Variants in ASPSCR1 observed in about 807,000 individuals in gnomAD.
The protein encoded by ASPSCR1 is ASPSCR1 tether for SLC2A4, UBX domain containing, also known as tether containing UBX domain for GLUT4.
A neutral mutation model predicts 68.9 loss-of-function variants in ASPSCR1; 55 were observed. That is an observed-to-expected ratio of 0.80 (90% CI 0.64 to 1.00). ASPSCR1 has a LOEUF of 1.00. ASPSCR1 is among the 50% of genes least tolerant of loss of function. The pLI, the probability that ASPSCR1 is intolerant of heterozygous loss-of-function variation, is 0.00. For missense variants in ASPSCR1, 765 were observed against 762.2 expected, an observed-to-expected ratio of 1.00 and a Z score of -0.04; for synonymous variants, 352 against 332.6, an observed-to-expected ratio of 1.06 and a Z score of -0.63.
At chr17:82,015,139 C>T (rs2144104710) in intron 12 of ASPSCR1, 2 of 1,598,280 alleles carry the variant, frequency 1.3e-6, no homozygotes, top group African/African-American at 2.7e-5. Flanking sequence ...TGCCTGGGAC[C>T]AGAGCAGAGA....
intron 7 of ASPSCR1, among the ~76,000 whole-genome samples, chr17:81,997,649 C>T (rs1274281213): frequency 2.7e-5 from 4 of 150,190 alleles, no homozygotes; most frequent in Non-Finnish European, 4.5e-5. Context: ...CCACCAAGCC[C>T]AGCTAATTTT....
intron 5 of ASPSCR1, chr17:81,995,246 G>A (rs1041391798): frequency 6.6e-5 from 27 of 408,158 alleles, no homozygotes; most frequent in Non-Finnish European, 1.1e-4. Flanking sequence ...CCTCACAGGG[G>A]CCTTTTGTTT....
rs1477745498 is a variant in ASPSCR1, at chr17:82,012,234, TCAC to T, written c.1306_1308del (p.Thr436del). 6.2e-7 allele frequency: 1 copy of T among 1,613,430 alleles called. No individual in the cohort carries two copies. Among genetic ancestry groups the T allele is most frequent in the Non-Finnish European group, 8.5e-7 (1 of 1,179,874 alleles). On this transcript the variant is annotated inframe_deletion, in exon 12 of 16. Transcript: ENST00000306739. ...CGTAGGTGCCTTCTCTCCTCAGTCA[TCAC>T]CCCTCCAAAAACAGTCCTGGACGAC... is the stretch of plus-strand genomic sequence containing the variant.
At chr17:82,016,400 T>G in intron 12 of ASPSCR1, 76 bp from the exon 13 acceptor site, 1 of 1,361,702 alleles carries the variant, frequency 7.3e-7, no homozygotes, top group Non-Finnish European at 1.0e-6. Context: ...GGCCTGGCCC[T>G]GGGGGTGTAG....
rs2042297981 is a variant in ASPSCR1 at position 81,995,230 on chromosome 17, C to A, written c.432+352C>A. ...GTGGCGGGACCCTCCTAGCGCTCGT[C>A]CCTGGCCTCACAGGGGCCTTTTGTT... On this transcript the variant is annotated intron_variant, in intron 5 of 15. Transcript: ENST00000306739. The A allele has an allele frequency of 7.0e-6, 3 of 430,130 alleles. No individual in the cohort carries two copies. The Admixed American group carries it at 1.2e-4, about 17-fold the overall frequency. 26.6% of individuals were successfully genotyped at this position (430,130 alleles called of 1,614,324 possible).
chr17:81,996,844 C>A lies in ASPSCR1; in HGVS notation c.931C>A (p.Arg311=). Residue 311 remains arginine (R), a splice_region_variant and synonymous_variant, in exon 7 of 16, where the codon CGG becomes AGG. Coordinates refer to ENST00000306739, the MANE Select transcript of ASPSCR1 (RefSeq NM_024083.4). ...TCCCCAGCAGGAGCAGGAGCGGGAGCGGGTAAAAGGGGCTCTAGGCCTTGG... is the reference window on the plus strand; with the variant it reads ...TCCCCAGCAGGAGCAGGAGCGGGAGAGGGTAAAAGGGGCTCTAGGCCTTGG... ...RDPQQEQERE[R]PVDREPVDRE... 1 of 1,593,444 alleles carries A rather than the reference C, an allele frequency of 6.3e-7. No individual in the cohort carries two copies. Among genetic ancestry groups the A allele is most frequent in the Non-Finnish European group, 8.5e-7 (1 of 1,171,746 alleles).
intron 7 of ASPSCR1, among the ~76,000 whole-genome samples, chr17:82,003,583 G>A (rs1365363092): frequency 2.6e-5 from 4 of 152,260 alleles, no homozygotes; most frequent in Non-Finnish European, 5.9e-5. Flanking sequence ...TCTCCTCTGG[G>A]TGGGATTCGA....
chr17:81,990,946 C>G lies in ASPSCR1; in HGVS notation c.375-3875C>G, dbSNP rs1272070854. Among the ~76,000 whole-genome samples the G allele has an allele frequency of 2.0e-5, 3 of 152,114 alleles. No individual in the cohort carries two copies. Among genetic ancestry groups the G allele is most frequent in the Non-Finnish European group, 4.4e-5 (3 of 68,028 alleles). ...GCGGGCGAGTCCCGTAGTTTGAATCCCACGTCCCGTAAGGACCTAGTTGCC... is the reference window on the plus strand; with the variant it reads ...GCGGGCGAGTCCCGTAGTTTGAATCGCACGTCCCGTAAGGACCTAGTTGCC... On this transcript the variant is annotated intron_variant, in intron 4 of 15. Coordinates refer to ENST00000306739, the MANE Select transcript of ASPSCR1 (RefSeq NM_024083.4). This position sits in a 1 kb window ranked among gnomAD's most constrained non-coding sequence, Gnocchi z 4.1.
At chr17:82,003,870 C>T (rs1173777575) in intron 7 of ASPSCR1, among the ~76,000 whole-genome samples, 2 of 152,206 alleles carry the variant, frequency 1.3e-5, no homozygotes, top group African/African-American at 2.4e-5. Flanking sequence ...CTGAGTAACT[C>T]GGGAGGTTTG....
intron 7 of ASPSCR1, among the ~76,000 whole-genome samples, chr17:81,997,532 G>C (rs1398499354): frequency 6.9e-6 from 1 of 144,008 alleles, no homozygotes; most frequent in Non-Finnish European, 1.5e-5. Flanking sequence ...TGTGTCCCTA[G>C]GTGGGCGTAC....
At chr17:81,991,095 C>T (rs1274386098) in intron 4 of ASPSCR1, among the ~76,000 whole-genome samples, 1 of 152,172 alleles carries the variant, frequency 6.6e-6, no homozygotes, top group African/African-American at 2.4e-5. Context: ...GCCGTGGGAA[C>T]TCACACAGCA....
intron 12 of ASPSCR1, chr17:82,013,541 C>G (rs1271641603): frequency 1.3e-5 from 2 of 152,350 alleles, no homozygotes; most frequent in East Asian, 1.9e-4. Context: ...GCCTGCCTCC[C>G]TGGCAGGCAA....
chr17:82,000,716 C>T (rs1317280398), intron 7 of ASPSCR1, among the ~76,000 whole-genome samples: 6 of 152,206 alleles, frequency 3.9e-5, no homozygotes, highest in South Asian at 2.1e-4. Context: ...TTCACAGACC[C>T]GGGCGGTTCC....
At chr17:81,985,312 G>T in intron 3 of ASPSCR1, among the ~76,000 whole-genome samples, 195 bp from the exon 4 acceptor site, 1 of 152,214 alleles carries the variant, frequency 6.6e-6, no homozygotes, top group East Asian at 1.9e-4. Context: ...GCATGCTGGT[G>T]CAGCCCTGCC....
Position 82,016,958 on chromosome 17 carries a change from C to T in ASPSCR1, c.1493C>T (p.Ala498Val), listed in dbSNP as rs776895015. 1.2e-6 allele frequency: 2 copies of T among 1,611,748 alleles called. No homozygotes were observed. Among genetic ancestry groups the T allele is most frequent in the Non-Finnish European group, 8.5e-7 (1 of 1,179,222 alleles). The change falls in exon 15 of 16, where the codon GCC becomes GTC. Residue 498 changes from alanine to valine, a missense_variant. Coordinates refer to ENST00000306739, the MANE Select transcript of ASPSCR1 (RefSeq NM_024083.4). ...CCCCACAGGTACATGTCCAGGGCCG[C>T]CGGGTCCCCTTCCCCATTGCCAGCC... ...VLVARYMSRA[A>V]GSPSPLPAPD...
intron 11 of ASPSCR1, 122 bp downstream of exon 11, chr17:82,011,727 TCCCGCC>T: frequency 9.0e-7 from 1 of 1,105,500 alleles, no homozygotes; most frequent in Non-Finnish European, 1.3e-6. Context: ...ATCTGTGGCC[TCCCGCC>T]CAGGTGCCTC....
At chr17:82,000,798 C>T (rs1456632058) in intron 7 of ASPSCR1, among the ~76,000 whole-genome samples, 1 of 152,184 alleles carries the variant, frequency 6.6e-6, no homozygotes, top group Non-Finnish European at 1.5e-5. Context: ...CTGGGAGAGG[C>T]TGGGGCTGCC....
intron 4 of ASPSCR1, 69 bp from the exon 5 acceptor site, chr17:81,994,752 C>A (rs1439986078): frequency 1.3e-6 from 2 of 1,504,056 alleles, no homozygotes; most frequent in African/African-American, 2.8e-5. Flanking sequence ...GAGTCTCCTG[C>A]CCCAGGGCCT....
chr17:82,012,318 G>C (rs759111644), intron 12 of ASPSCR1, 35 bp downstream of exon 12: 1 of 1,599,842 alleles, frequency 6.3e-7, no homozygotes, highest in Admixed American at 1.7e-5. Context: ...CTGCGGGGCG[G>C]GGCCCTCCAG....
Sources: allele counts gnomAD v4.1 joint callset (sites outside exome capture counted in the v4.1 genomes callset), GRCh38; gene constraint gnomAD v4.1.1; non-coding constraint Gnocchi (gnomAD v3.1); transcripts MANE v1.5; gene names NCBI Gene and HGNC (gene_info 2026-07-23, HGNC 2026-07-21).